The following EGFLAM variants were observed in gnomAD, a reference collection of about 807,000 sequenced individuals.
EGFLAM encodes EGF like, fibronectin type III and laminin G domains.
Under a neutral mutation model 113.1 loss-of-function variants are expected in EGFLAM, and 79 were observed. That is an observed-to-expected ratio of 0.70 (90% CI 0.58 to 0.84). The LOEUF is 0.84. Ranked by LOEUF, EGFLAM falls within the 40% of genes least tolerant of loss-of-function variation. EGFLAM has a pLI of 0.00. For missense variants in EGFLAM, 1,265 were observed against 1,291.6 expected (o/e 0.98, Z 0.32); for synonymous variants, 504 against 487.6 (o/e 1.03, Z -0.44).
At chr5:38,429,575 T>C (rs932600994) in intron 14 of EGFLAM, among the ~76,000 whole-genome samples, 9 of 152,194 alleles carry the variant, frequency 5.9e-5, no homozygotes, top group African/African-American at 1.9e-4. Flanking sequence ...ACGTAATGAG[T>C]AAAACTTGCA....
At chr5:38,360,852 T>G (rs1739902110) in intron 5 of EGFLAM, among the ~76,000 whole-genome samples, 1 of 151,068 alleles carries the variant, frequency 6.6e-6, no homozygotes, top group Non-Finnish European at 1.5e-5. Flanking sequence ...ATTTATTTAT[T>G]TATTTATTTA....
chr5:38,419,300 CTA>C (rs888277118), intron 12 of EGFLAM, among the ~76,000 whole-genome samples: 3 of 152,186 alleles, frequency 2.0e-5, no homozygotes, highest in Non-Finnish European at 2.9e-5. Context: ...AACAGGGTCT[CTA>C]TGATATCAGG....
At chr5:38,260,396 A>G (rs549703751) in intron 1 of EGFLAM, among the ~76,000 whole-genome samples, 1 of 152,350 alleles carries the variant, frequency 6.6e-6, no homozygotes, top group South Asian at 2.1e-4. Context: ...GGAATTTTTA[A>G]AAAGCATTTT....
At chr5:38,428,693 C>G (rs1742093675) in intron 14 of EGFLAM, among the ~76,000 whole-genome samples, 2 of 152,234 alleles carry the variant, frequency 1.3e-5, no homozygotes, top group South Asian at 4.1e-4. Context: ...CACACTGCCT[C>G]TCTGCAGTGG....
chr5:38,307,172 C>G (rs1171351704), intron 1 of EGFLAM, among the ~76,000 whole-genome samples: 2 of 152,176 alleles, frequency 1.3e-5, no homozygotes, highest in African/African-American at 4.8e-5. Flanking sequence ...TTATTTTAAG[C>G]CATTAAGTTT....
chr5:38,310,173 A>G (rs757763899), intron 1 of EGFLAM, among the ~76,000 whole-genome samples: 1 of 152,204 alleles, frequency 6.6e-6, no homozygotes, highest in Non-Finnish European at 1.5e-5. Flanking sequence ...TAATCCTCCA[A>G]ATCCCCAAAC....
chr5:38,332,667 G>A (rs1739077451), intron 1 of EGFLAM, among the ~76,000 whole-genome samples: 1 of 152,218 alleles, frequency 6.6e-6, no homozygotes, highest in African/African-American at 2.4e-5. Flanking sequence ...TAGATTAACT[G>A]AAAGTGTTCC....
At chr5:38,375,139 G>A (rs538543845) in intron 6 of EGFLAM, among the ~76,000 whole-genome samples, 3 of 120,246 alleles carry the variant, frequency 2.5e-5, no homozygotes, top group Non-Finnish European at 5.2e-5. Context: ...TGTTGCATTT[G>A]CTTTTGGTTT....
chr5:38,400,572 G>T (rs891574117), intron 6 of EGFLAM, among the ~76,000 whole-genome samples: 2 of 152,160 alleles, frequency 1.3e-5, no homozygotes, highest in Non-Finnish European at 2.9e-5. Context: ...TGTAAGCTGT[G>T]GATTTGGGAT....
At position 38,370,288 on chromosome 5, in the gene EGFLAM, C is replaced by T; in HGVS notation, c.546-8C>T. The T allele has an allele frequency of 2.5e-6, 4 of 1,609,796 alleles. No individual in the cohort carries two copies. The highest frequency in any genetic ancestry group is 3.4e-6 in the Non-Finnish European group (4 of 1,176,780). On this transcript the variant is annotated splice_polypyrimidine_tract_variant and splice_region_variant and intron_variant, in intron 5 of 21. Coordinates refer to ENST00000322350, the MANE Select transcript of EGFLAM (RefSeq NM_152403.4). ...CTACTGCTTCTTCTGTTTTTCTAAT[C>T]AATAAAGGCCAGATTTCGACAAGAA...
At chr5:38,347,650 G>T (rs1394158825) in intron 3 of EGFLAM, among the ~76,000 whole-genome samples, 1 of 152,162 alleles carries the variant, frequency 6.6e-6, no homozygotes, top group Non-Finnish European at 1.5e-5. Flanking sequence ...TTTGAGCCCT[G>T]CCAAGTTCTT....
At position 38,258,866 on chromosome 5, in the gene EGFLAM, C is replaced by A. The variant is rs746228577; in HGVS notation, c.97+15C>A. On this transcript the variant is annotated intron_variant, in intron 1 of 21. Coordinates refer to ENST00000322350, the MANE Select transcript of EGFLAM (RefSeq NM_152403.4). Reference sequence around the variant, plus strand: ...CCGAAAACCAGGTAATGCGCTCCTCCGCCCAGAGCCACCACGCCCCGAGCG... The same window carrying A: ...CCGAAAACCAGGTAATGCGCTCCTCAGCCCAGAGCCACCACGCCCCGAGCG... 3 of 1,604,260 alleles carry A rather than the reference C, an allele frequency of 1.9e-6. No individual in the cohort carries two copies. Among genetic ancestry groups the A allele is most frequent in the Non-Finnish European group, 1.7e-6 (2 of 1,175,066 alleles).
At chr5:38,444,867 C>A (rs1742657564) in intron 17 of EGFLAM, among the ~76,000 whole-genome samples, 1 of 152,168 alleles carries the variant, frequency 6.6e-6, no homozygotes, top group South Asian at 2.1e-4. Flanking sequence ...ATCGCTAGAA[C>A]CCTGGAGGCA....
chr5:38,394,109 T>C (rs999967889), intron 6 of EGFLAM, among the ~76,000 whole-genome samples: 2 of 151,888 alleles, frequency 1.3e-5, no homozygotes, highest in African/African-American at 4.8e-5. Flanking sequence ...CAGCACTCAG[T>C]TGCTTCTCTG....
At chr5:38,333,916 G>GTTTTTTT (rs70978880) in intron 1 of EGFLAM, among the ~76,000 whole-genome samples, 58 of 29,306 alleles carry the variant, frequency 2.0e-3, no homozygotes, top group African/African-American at 2.2e-3. Flanking sequence ...ATTGTTGAGG[G>GTTTTTTT]TTTTTTTTTT....
chr5:38,403,644 G>T, intron 6 of EGFLAM: 1 of 825,114 alleles, frequency 1.2e-6, no homozygotes, highest in Non-Finnish European at 1.8e-6. Flanking sequence ...GCAGGGCAGT[G>T]TGCTATTTCA....
intron 1 of EGFLAM, among the ~76,000 whole-genome samples, chr5:38,309,397 A>T (rs1758807119): frequency 6.6e-6 from 1 of 152,210 alleles, no homozygotes; most frequent in Non-Finnish European, 1.5e-5. Flanking sequence ...AGTAATGAAA[A>T]CATTTCACTC....
intron 1 of EGFLAM, among the ~76,000 whole-genome samples, chr5:38,316,899 T>C (rs536099599): frequency 6.6e-6 from 1 of 152,342 alleles, no homozygotes; most frequent in African/African-American, 2.4e-5. Context: ...AGAGACTTGC[T>C]GCTTTGGGCC....
intron 12 of EGFLAM, among the ~76,000 whole-genome samples, chr5:38,424,300 G>A (rs1741928413): frequency 6.6e-6 from 1 of 152,200 alleles, no homozygotes; most frequent in Non-Finnish European, 1.5e-5. Context: ...CTCATCAGAT[G>A]TTGAGCCTTT....
Sources: gnomAD v4.1 joint callset for allele counts (sites outside exome capture counted in the v4.1 genomes callset) on GRCh38, gnomAD v4.1.1 for gene constraint, MANE v1.5 for transcripts, NCBI Gene and HGNC (gene_info 2026-07-23, HGNC 2026-07-21) for gene names.